The following GALNTL6 variants were observed in gnomAD, a reference collection of about 807,000 sequenced individuals.
GALNTL6 encodes polypeptide N-acetylgalactosaminyltransferase like 6.
In GALNTL6, 46 loss-of-function variants were observed where a neutral mutation model predicts 73.7. That is an observed-to-expected ratio of 0.62 (90% CI 0.49 to 0.80). The LOEUF (loss-of-function observed/expected upper bound fraction) is 0.80. Ranked by LOEUF, GALNTL6 falls within the 30% of genes least tolerant of loss-of-function variation. The probability of loss-of-function intolerance (pLI) is 0.00; values close to 1 mark genes in which losing one functional copy is unlikely to be tolerated. For synonymous variants in GALNTL6, 259 were observed against 263.7 expected (o/e 0.98, Z 0.17); for missense variants, 604 against 755.0 (o/e 0.80, Z 2.34).
In GALNTL6 at chr4:172,509,550, A is replaced by G. The variant is rs1190851667; in HGVS notation, c.553+160861A>G. ...AGCCAATGTCTCAAAGCATTTTCCA[A>G]TGTTCTAGAATCTTTATGGTTTTAG... is the stretch of plus-strand genomic sequence containing the variant. On this transcript the variant is annotated intron_variant, in intron 5 of 12. Transcript: ENST00000506823. Among the ~76,000 whole-genome samples, 3 of 54,210 alleles carry G rather than the reference A, an allele frequency of 5.5e-5. 1 individual carries two copies. The highest frequency in any genetic ancestry group is 1.4e-4 in the African/African-American group (3 of 21,804). 35.6% of individuals were successfully genotyped at this position (54,210 alleles called of 152,430 possible). A position where few individuals can be genotyped will look rare whatever the true frequency, so the allele number is the denominator to read the frequency against.
intron 5 of GALNTL6, among the ~76,000 whole-genome samples, chr4:172,528,319 A>AATATATATAT (rs3083419): frequency 9.9e-4 from 103 of 103,634 alleles, no homozygotes; most frequent in East Asian, 3.5e-3. Context: ...CTAGAAATAA[A>AATATATATAT]ATATATATAT....
chr4:172,294,572 G>A (rs1022592930), intron 3 of GALNTL6, among the ~76,000 whole-genome samples: 2 of 152,058 alleles, frequency 1.3e-5, no homozygotes, highest in South Asian at 4.1e-4. Context: ...ATGAGGATAG[G>A]AGGGGGAGAG....
intron 7 of GALNTL6, among the ~76,000 whole-genome samples, chr4:172,880,310 A>G (rs555750366): frequency 6.6e-6 from 1 of 152,240 alleles, no homozygotes; most frequent in East Asian, 1.9e-4. Flanking sequence ...CAAATAGAAT[A>G]CTACTCTGCA....
At chr4:172,781,987 C>T (rs2110899563) in intron 5 of GALNTL6, among the ~76,000 whole-genome samples, 1 of 151,708 alleles carries the variant, frequency 6.6e-6, no homozygotes, top group Admixed American at 6.6e-5. Context: ...TATTTCCTAT[C>T]TAAGGCTTGA....
intron 5 of GALNTL6, among the ~76,000 whole-genome samples, chr4:172,568,757 C>CAAAAAAAA (rs71592082): frequency 3.0e-5 from 2 of 67,058 alleles, no homozygotes; most frequent in African/African-American, 6.5e-5. Flanking sequence ...GACTCCATCT[C>CAAAAAAAA]AAAAAAAAAA....
chr4:171,872,420 C>T (rs759275517), intron 2 of GALNTL6, among the ~76,000 whole-genome samples: 3 of 151,868 alleles, frequency 2.0e-5, no homozygotes, highest in Non-Finnish European at 2.9e-5. Context: ...AGGTAAGATG[C>T]CTAAAGTTCT....
chr4:172,049,509 A>G (rs1336296394), intron 2 of GALNTL6, among the ~76,000 whole-genome samples: 1 of 152,170 alleles, frequency 6.6e-6, no homozygotes, highest in East Asian at 1.9e-4. Context: ...TAAATAGAAA[A>G]TGTAGTTTAT....
At chr4:173,022,102 G>A (rs1168010740) in intron 12 of GALNTL6, among the ~76,000 whole-genome samples, 80 of 131,108 alleles carry the variant, frequency 6.1e-4, no homozygotes, top group East Asian at 8.8e-4. Context: ...AAGGAAGGAA[G>A]GAAGGAAAGA....
intron 5 of GALNTL6, among the ~76,000 whole-genome samples, chr4:172,689,417 A>G (rs1457900386): frequency 6.6e-6 from 1 of 152,250 alleles, no homozygotes; most frequent in Non-Finnish European, 1.5e-5. Context: ...GGATTATTAT[A>G]TGACTTAAAA....
chr4:172,624,380 A>G lies in GALNTL6; in HGVS notation c.554-184981A>G, dbSNP rs550254578. 2.6e-5 allele frequency among the ~76,000 whole-genome samples: 4 copies of G among 151,654 alleles called. No individual in the cohort carries two copies. In the East Asian group the frequency reaches 7.8e-4, roughly 29 times the overall value. On this transcript the variant is annotated intron_variant, in intron 5 of 12. Coordinates refer to ENST00000506823, the MANE Select transcript of GALNTL6 (RefSeq NM_001034845.3). ...AATTGTGTGGTTTTTGGTTCTTGTT[A>G]TTGGATAGATCCATCTTTCTCTGCT...
chr4:172,652,495 T>C lies in GALNTL6; in HGVS notation c.554-156866T>C, dbSNP rs571776460. On this transcript the variant is annotated intron_variant, in intron 5 of 12. Coordinates refer to ENST00000506823, the MANE Select transcript of GALNTL6 (RefSeq NM_001034845.3). ...GACTGAGTTGTTGAAAGAGAGACATTGTGCCTTTAGAATAAAAAGCAAGTG... is the reference window on the plus strand; with the variant it reads ...GACTGAGTTGTTGAAAGAGAGACATCGTGCCTTTAGAATAAAAAGCAAGTG... 1.1e-4 allele frequency among the ~76,000 whole-genome samples: 16 copies of C among 152,294 alleles called. No homozygotes were observed. In the South Asian group the frequency reaches 3.3e-3, roughly 32 times the overall value.
chr4:172,215,787 C>T (rs1490298654), intron 2 of GALNTL6, among the ~76,000 whole-genome samples: 1 of 152,064 alleles, frequency 6.6e-6, no homozygotes, highest in Non-Finnish European at 1.5e-5. Context: ...CTTCTTTAAT[C>T]TCCTCTTTTT....
chr4:172,718,668 A>T (rs1735261387), intron 5 of GALNTL6, among the ~76,000 whole-genome samples: 1 of 151,580 alleles, frequency 6.6e-6, no homozygotes. Flanking sequence ...ATCTGTAAAT[A>T]TGGAAAAACT....
At chr4:172,057,798 A>T (rs1731075721) in intron 2 of GALNTL6, among the ~76,000 whole-genome samples, 1 of 146,174 alleles carries the variant, frequency 6.8e-6, no homozygotes, top group South Asian at 2.2e-4. Flanking sequence ...CTGAAATTAG[A>T]TGCTATGGGC....
chr4:172,884,072 C>G (rs1168688228), intron 8 of GALNTL6, among the ~76,000 whole-genome samples: 1 of 151,956 alleles, frequency 6.6e-6, no homozygotes. Context: ...ACCATTGTCA[C>G]AAAAAAATGG....
chr4:172,711,960 G>A (rs972990074), intron 5 of GALNTL6, among the ~76,000 whole-genome samples: 1 of 152,164 alleles, frequency 6.6e-6, no homozygotes, highest in Non-Finnish European at 1.5e-5. Flanking sequence ...GAAAACCAGA[G>A]CTATCCCGGA....
At chr4:172,677,640 T>G (rs1171608416) in intron 5 of GALNTL6, among the ~76,000 whole-genome samples, 1 of 152,016 alleles carries the variant, frequency 6.6e-6, no homozygotes, top group Non-Finnish European at 1.5e-5. Context: ...GTGGATACAC[T>G]GGCCAGCCAC....
chr4:172,924,990 G>A (rs563794479), intron 8 of GALNTL6, among the ~76,000 whole-genome samples: 3 of 152,164 alleles, frequency 2.0e-5, no homozygotes, highest in East Asian at 1.9e-4. Context: ...TCCTGCCTCA[G>A]CCTCCCGAGT....
intron 4 of GALNTL6, among the ~76,000 whole-genome samples, chr4:172,333,788 A>G (rs542587613): frequency 2.0e-4 from 30 of 152,228 alleles, no homozygotes; most frequent in African/African-American, 6.0e-4. Context: ...AGTTTTCCCA[A>G]TGTTTTCTTC....
Sources: allele counts gnomAD v4.1 joint callset (sites outside exome capture counted in the v4.1 genomes callset), GRCh38; gene constraint gnomAD v4.1.1; transcripts MANE v1.5; gene names NCBI Gene and HGNC (gene_info 2026-07-23, HGNC 2026-07-21).